The following QTMAN variants were observed in gnomAD, a reference collection of about 807,000 sequenced individuals.
The protein encoded by QTMAN is tRNA-queuosine alpha-mannosyltransferase.
the QTMAN span, among the ~76,000 whole-genome samples, chr2:144,095,747 G>C: frequency 1.3e-5 from 2 of 152,000 alleles, no homozygotes; most frequent in African/African-American, 4.8e-5. Flanking sequence ...TTGCAATTAT[G>C]AAATCAATCT....
chr2:143,996,292 T>C, the QTMAN span, among the ~76,000 whole-genome samples: 1 of 152,136 alleles, frequency 6.6e-6, no homozygotes, highest in African/African-American at 2.4e-5. Flanking sequence ...GAAATTCTTA[T>C]GGACCAGGCC....
At chr2:144,105,960 T>C in the QTMAN span, among the ~76,000 whole-genome samples, 1 of 152,150 alleles carries the variant, frequency 6.6e-6, no homozygotes, top group African/African-American at 2.4e-5. Flanking sequence ...TCAACATTTT[T>C]AAAGAAAATA....
chr2:143,992,358 C>T, the QTMAN span, among the ~76,000 whole-genome samples: 1 of 146,384 alleles, frequency 6.8e-6, no homozygotes, highest in Admixed American at 6.9e-5. Flanking sequence ...AGAGTCATCA[C>T]CACTCCCTAA....
At chr2:144,088,559 G>A in the QTMAN span, among the ~76,000 whole-genome samples, 1 of 152,032 alleles carries the variant, frequency 6.6e-6, no homozygotes, top group Non-Finnish European at 1.5e-5. Context: ...CACACTATCT[G>A]ATTTCAATAC....
chr2:144,185,277 T>C, the QTMAN span, among the ~76,000 whole-genome samples: 494 of 152,288 alleles, frequency 3.2e-3, 5 homozygotes, highest in African/African-American at 0.011. Context: ...CAAAACCTTA[T>C]AGCTACTAAA....
the QTMAN span, among the ~76,000 whole-genome samples, chr2:144,273,431 G>A: frequency 1.3e-5 from 2 of 152,072 alleles, no homozygotes; most frequent in Non-Finnish European, 2.9e-5. Flanking sequence ...AGTTGTGACG[G>A]CAACAAATAA....
the QTMAN span, among the ~76,000 whole-genome samples, chr2:144,138,721 G>A: frequency 6.6e-6 from 1 of 151,936 alleles, no homozygotes; most frequent in African/African-American, 2.4e-5. Flanking sequence ...AATTAAAGTT[G>A]TCTTCTGATT....
At chr2:144,297,691 C>T in the QTMAN span, among the ~76,000 whole-genome samples, 1 of 151,150 alleles carries the variant, frequency 6.6e-6, no homozygotes, top group African/African-American at 2.4e-5. Flanking sequence ...AACGATTCTC[C>T]TACCTCAGCC....
chr2:144,050,489 A>G, the QTMAN span, among the ~76,000 whole-genome samples: 4 of 152,278 alleles, frequency 2.6e-5, no homozygotes, highest in South Asian at 4.1e-4. Flanking sequence ...GAGAGTATTA[A>G]AAGAGTTGAG....
At chr2:143,959,506 G>A in the QTMAN span, among the ~76,000 whole-genome samples, 28 of 152,062 alleles carry the variant, frequency 1.8e-4, no homozygotes, top group Non-Finnish European at 3.7e-4. Context: ...ATGTCACAGA[G>A]TTAAAGGAAA....
At chr2:144,179,305 A>G in the QTMAN span, among the ~76,000 whole-genome samples, 1 of 152,180 alleles carries the variant, frequency 6.6e-6, no homozygotes, top group African/African-American at 2.4e-5. Flanking sequence ...CAAACTTTGC[A>G]CAAATAACTT....
chr2:144,022,162 T>C, the QTMAN span, among the ~76,000 whole-genome samples: 1 of 152,190 alleles, frequency 6.6e-6, no homozygotes, highest in African/African-American at 2.4e-5. Flanking sequence ...CTGGAAATAT[T>C]GTGCAAAAAT....
the QTMAN span, among the ~76,000 whole-genome samples, chr2:144,198,594 C>T: frequency 6.6e-6 from 1 of 152,194 alleles, no homozygotes; most frequent in Non-Finnish European, 1.5e-5. Context: ...CAAATGACAT[C>T]TCGGGATCCA....
At chr2:144,061,098 T>G in the QTMAN span, among the ~76,000 whole-genome samples, 1 of 152,188 alleles carries the variant, frequency 6.6e-6, no homozygotes, top group African/African-American at 2.4e-5. Context: ...TTGTAGTCTA[T>G]GGCTCAGGAA....
chr2:143,998,930 C>T, the QTMAN span, among the ~76,000 whole-genome samples: 3 of 152,160 alleles, frequency 2.0e-5, no homozygotes, highest in Middle Eastern at 3.4e-3. Flanking sequence ...ATTCGATAAA[C>T]TGAATTCTTC....
chr2:144,031,490 A>G, the QTMAN span, among the ~76,000 whole-genome samples: 91 of 152,300 alleles, frequency 6.0e-4, no homozygotes, highest in African/African-American at 2.1e-3. Flanking sequence ...CAACATCACC[A>G]AGAAGCTTTT....
the QTMAN span, among the ~76,000 whole-genome samples, chr2:144,236,487 G>A: frequency 3.3e-5 from 5 of 151,786 alleles, no homozygotes; most frequent in Non-Finnish European, 7.4e-5. Context: ...ATTCTGACAG[G>A]GTCAGAACTC....
the QTMAN span, among the ~76,000 whole-genome samples, chr2:143,950,358 T>C: frequency 6.6e-6 from 1 of 151,756 alleles, no homozygotes; most frequent in Non-Finnish European, 1.5e-5. Context: ...TAATTATAGC[T>C]ATGTTATGGC....
the QTMAN span, among the ~76,000 whole-genome samples, chr2:144,241,842 A>G: frequency 2.6e-5 from 4 of 152,140 alleles, no homozygotes; most frequent in Non-Finnish European, 4.4e-5. Context: ...GAAAAGAATT[A>G]AAATACAAAA....
Sources: allele counts gnomAD v4.1 joint callset (sites outside exome capture counted in the v4.1 genomes callset), GRCh38; gene constraint gnomAD v4.1.1; transcripts MANE v1.5; gene names NCBI Gene and HGNC (gene_info 2026-07-23, HGNC 2026-07-21).